The following SLC24A2 variants were observed in gnomAD, a reference collection of about 807,000 sequenced individuals.
SLC24A2 encodes sodium/potassium/calcium exchanger 2.
SLC24A2 carries 36 observed loss-of-function variants against 62.0 expected under a neutral mutation model. The observed-to-expected ratio is 0.58, with a 90% confidence interval of 0.44 to 0.77. The LOEUF is 0.77. SLC24A2 is among the 30% of genes least tolerant of loss of function. The pLI, the probability that SLC24A2 is intolerant of heterozygous loss-of-function variation, is 0.00. For missense variants in SLC24A2, 846 were observed against 817.9 expected, an observed-to-expected ratio of 1.03 and a Z score of -0.42; for synonymous variants, 358 against 294.0, an observed-to-expected ratio of 1.22 and a Z score of -2.23.
At chr9:20,074,246 T>C in the SLC24A2 span, among the ~76,000 whole-genome samples, 2 of 152,022 alleles carry the variant, frequency 1.3e-5, no homozygotes, top group Non-Finnish European at 2.9e-5. Context: ...TCCTCACAAA[T>C]GATAGCGTTT....
At chr9:20,211,992 C>A in the SLC24A2 span, among the ~76,000 whole-genome samples, 2 of 151,814 alleles carry the variant, frequency 1.3e-5, no homozygotes, top group Non-Finnish European at 2.9e-5. Flanking sequence ...CTGGAAATAA[C>A]AAGGAAACCT....
At chr9:20,160,952 G>C in the SLC24A2 span, among the ~76,000 whole-genome samples, 2 of 150,618 alleles carry the variant, frequency 1.3e-5, no homozygotes, top group Non-Finnish European at 3.0e-5. Context: ...CAAAACACTA[G>C]TTCCTTAAAA....
At chr9:19,790,564 T>G (rs1271323756), upstream of SLC24A2, among the ~76,000 whole-genome samples, 1 of 151,640 alleles carries the variant, frequency 6.6e-6, no homozygotes, top group African/African-American at 2.4e-5. Context: ...TCGCAATTGT[T>G]TAAAACACAT....
At chr9:19,751,480 G>A (rs527811890) in intron 2 of SLC24A2, among the ~76,000 whole-genome samples, 1 of 152,266 alleles carries the variant, frequency 6.6e-6, no homozygotes, top group South Asian at 2.1e-4. Flanking sequence ...GGTGGGCTGG[G>A]ACCTGGAGGA....
At chr9:20,142,958 TC>T in the SLC24A2 span, among the ~76,000 whole-genome samples, 10 of 152,172 alleles carry the variant, frequency 6.6e-5, no homozygotes, top group African/African-American at 1.2e-4. Flanking sequence ...GGGGCCATGC[TC>T]GCTCCATTCA....
intron 4 of SLC24A2, among the ~76,000 whole-genome samples, chr9:19,606,453 T>C (rs1350781376): frequency 6.6e-6 from 1 of 152,170 alleles, no homozygotes; most frequent in Non-Finnish European, 1.5e-5. Context: ...CAACTGCATA[T>C]CTAAAGGCAG....
chr9:20,300,284 G>C, the SLC24A2 span, among the ~76,000 whole-genome samples: 1 of 152,106 alleles, frequency 6.6e-6, no homozygotes, highest in South Asian at 2.1e-4. Flanking sequence ...ATATCTTTTA[G>C]TTATTGGACA....
At chr9:20,269,780 G>T in the SLC24A2 span, among the ~76,000 whole-genome samples, 2 of 152,008 alleles carry the variant, frequency 1.3e-5, no homozygotes, top group African/African-American at 4.8e-5. Flanking sequence ...TGGCTTCTTT[G>T]TTCCTTTTGT....
At chr9:20,128,037 C>A in the SLC24A2 span, among the ~76,000 whole-genome samples, 1 of 151,956 alleles carries the variant, frequency 6.6e-6, no homozygotes, top group Non-Finnish European at 1.5e-5. Context: ...ATTCCTTAAG[C>A]CTTTTGGTTT....
At chr9:19,529,706 A>T (rs907425044) in intron 8 of SLC24A2, among the ~76,000 whole-genome samples, 2 of 151,170 alleles carry the variant, frequency 1.3e-5, no homozygotes, top group East Asian at 2.0e-4. Flanking sequence ...GTAATGGGGG[A>T]AATAAAAAGG....
At chr9:19,704,036 A>C (rs1820434047) in intron 2 of SLC24A2, among the ~76,000 whole-genome samples, 1 of 152,210 alleles carries the variant, frequency 6.6e-6, no homozygotes, top group African/African-American at 2.4e-5. Flanking sequence ...TTAGTTATAT[A>C]AAATCAACTG....
chr9:19,914,424 C>A, the SLC24A2 span, among the ~76,000 whole-genome samples: 3 of 152,214 alleles, frequency 2.0e-5, no homozygotes, highest in East Asian at 5.8e-4. Context: ...CTCTCAATTG[C>A]TCTCTCCCAC....
the SLC24A2 span, among the ~76,000 whole-genome samples, chr9:20,136,990 T>G: frequency 6.6e-5 from 10 of 152,174 alleles, no homozygotes; most frequent in Non-Finnish European, 1.3e-4. Context: ...TTAAGAGAGA[T>G]AATGCTCTCT....
chr9:19,757,962 C>T (rs911129869), intron 2 of SLC24A2, among the ~76,000 whole-genome samples: 1 of 152,114 alleles, frequency 6.6e-6, no homozygotes, highest in African/African-American at 2.4e-5. Context: ...CCCCTTTTAC[C>T]TTCTTTTTCA....
chr9:19,981,065 T>C, the SLC24A2 span, among the ~76,000 whole-genome samples: 6 of 152,202 alleles, frequency 3.9e-5, no homozygotes, highest in Non-Finnish European at 5.9e-5. Flanking sequence ...AAGATGCTGA[T>C]GGAGTATGGA....
chr9:19,963,947 T>C, the SLC24A2 span, among the ~76,000 whole-genome samples: 1 of 151,990 alleles, frequency 6.6e-6, no homozygotes, highest in African/African-American at 2.4e-5. Flanking sequence ...CTATTCACAA[T>C]AGCAAAGACT....
the SLC24A2 span, among the ~76,000 whole-genome samples, chr9:20,286,055 G>A: frequency 1.3e-5 from 2 of 152,194 alleles, no homozygotes. Flanking sequence ...TTCCCAGGAA[G>A]GAAGAGAAAA....
intron 2 of SLC24A2, among the ~76,000 whole-genome samples, chr9:19,766,682 C>A (rs1387055446): frequency 6.6e-6 from 1 of 152,200 alleles, no homozygotes; most frequent in African/African-American, 2.4e-5. Context: ...CCCAGAGGGG[C>A]ACCTGCCAGA....
the SLC24A2 span, among the ~76,000 whole-genome samples, chr9:19,835,064 T>C: frequency 6.6e-6 from 1 of 151,780 alleles, no homozygotes; most frequent in African/African-American, 2.4e-5. Flanking sequence ...CTAAAAGAGC[T>C]CCTGAAGGAA....
Sources: gnomAD v4.1 joint callset for allele counts (sites outside exome capture counted in the v4.1 genomes callset) on GRCh38, gnomAD v4.1.1 for gene constraint, MANE v1.5 for transcripts, NCBI Gene and HGNC (gene_info 2026-07-23, HGNC 2026-07-21) for gene names.